DENND3: variants seen among roughly 807,000 people sequenced by gnomAD.
The protein encoded by DENND3 is DENN domain-containing protein 3.
DENND3 carries 88 observed loss-of-function variants against 135.1 expected under a neutral mutation model. That is an observed-to-expected ratio of 0.65 (90% CI 0.55 to 0.78). The LOEUF (loss-of-function observed/expected upper bound fraction) is 0.78. Ranked by LOEUF, DENND3 falls within the 30% of genes least tolerant of loss-of-function variation. DENND3 has a pLI of 0.00. For missense variants in DENND3, 1,392 were observed against 1,688.4 expected (o/e 0.82, Z 3.08); for synonymous variants, 693 against 712.3 (o/e 0.97, Z 0.43).
chr8:141,156,428 A>G (rs893066680), intron 8 of DENND3, among the ~76,000 whole-genome samples: 3 of 152,120 alleles, frequency 2.0e-5, no homozygotes, highest in Admixed American at 6.5e-5. Flanking sequence ...TCTTTATTCC[A>G]ATCTTGTCTG....
intron 5 of DENND3, among the ~76,000 whole-genome samples, chr8:141,148,522 A>T (rs781044098): frequency 6.6e-5 from 10 of 151,960 alleles, no homozygotes; most frequent in Non-Finnish European, 1.5e-4. Flanking sequence ...TATCTGAGTC[A>T]TTTTCTATGT....
rs1323780842 is a variant in DENND3, at chr8:141,176,721, AGGAGATGT to A, written c.2669_2676del (p.Glu890GlyfsTer8). The A allele has an allele frequency of 3.1e-6, 5 of 1,614,060 alleles. No homozygotes were observed. Among genetic ancestry groups the A allele is most frequent in the Non-Finnish European group, 4.2e-6 (5 of 1,180,016 alleles). The stretch of plus-strand genomic sequence containing the variant: ...TGTGACCTTTGGCACCTGATGGTGA[AGGAGATGT>A]GGGCTGGGAAGAAGCTGGCCGATGA... On this transcript the variant is annotated frameshift_variant, in exon 15 of 23. Transcript: ENST00000519811. LOFTEE classifies it high-confidence loss of function.
chr8:141,177,105 G>T, intron 15 of DENND3: 1 of 251,354 alleles, frequency 4.0e-6, no homozygotes, highest in Non-Finnish European at 7.7e-6. Flanking sequence ...GCAGGCCGGA[G>T]TTGGGTGTTT....
At chr8:141,186,813 G>A (rs889161112) in intron 18 of DENND3, among the ~76,000 whole-genome samples, 3 of 152,106 alleles carry the variant, frequency 2.0e-5, no homozygotes, top group African/African-American at 7.2e-5. Context: ...GGCCCCCAGC[G>A]GCCCCTCCTG....
rs867167223 is a variant in DENND3 at position 141,144,473 on chromosome 8, A to G, written c.735+214A>G. Among the ~76,000 whole-genome samples, 3 of 152,094 alleles carry G rather than the reference A, an allele frequency of 2.0e-5. No individual in the cohort carries two copies. Among genetic ancestry groups the G allele is most frequent in the Admixed American group, 6.5e-5 (1 of 15,272 alleles). On this transcript the variant is annotated intron_variant, in intron 5 of 22. Coordinates refer to ENST00000519811, the MANE Select transcript of DENND3 (RefSeq NM_001352890.3). The surrounding 1 kb of genome is among the most constrained non-coding windows in gnomAD (Gnocchi z 4.4). ...AACCCAAAAAACAGAATGACTGGCCAGAATGGAAGGGAGGTCAGACACGCC... is the reference window on the plus strand; with the variant it reads ...AACCCAAAAAACAGAATGACTGGCCGGAATGGAAGGGAGGTCAGACACGCC...
In DENND3 at chr8:141,165,281, G is replaced by A; in HGVS notation, c.1545G>A (p.Glu515=). The change falls in exon 11 of 23, where the codon GAG becomes GAA. Residue 515 remains glutamate (E), a synonymous_variant. Transcript: ENST00000519811. ...FAQMDLDTQS[E]EDRINGMLLS... ...AGATGGACCTCGACACCCAGTCGGA[G>A]GAGGACAGGTGCTTCACTGTTGTGT... 6.2e-7 allele frequency: 1 copy of A among 1,613,896 alleles called. No homozygotes were observed. The highest frequency in any genetic ancestry group is 8.5e-7 in the Non-Finnish European group (1 of 1,179,726).
At position 141,175,518 on chromosome 8, in the gene DENND3, T is replaced by TGGAGTG; in HGVS notation, c.2535+62_2535+67dup. On this transcript the variant is annotated intron_variant, in intron 14 of 22. Coordinates refer to ENST00000519811, the MANE Select transcript of DENND3 (RefSeq NM_001352890.3). The surrounding 1 kb of genome is among the most constrained non-coding windows in gnomAD (Gnocchi z 5.4). ...CACCTGTGTTTAGGAGACAGATGGC[T>TGGAGTG]GGAGTGGGCCCTGAGCAGTCTGCCA... 1.2e-6 allele frequency: 2 copies of TGGAGTG among 1,611,948 alleles called. No homozygotes were observed. Among genetic ancestry groups the TGGAGTG allele is most frequent in the Non-Finnish European group, 1.7e-6 (2 of 1,179,762 alleles).
At position 141,152,613 on chromosome 8, in the gene DENND3, C is replaced by T. The variant is rs1187283739; in HGVS notation, c.1074+776C>T. Among the ~76,000 whole-genome samples, 3 of 152,194 alleles carry T rather than the reference C, an allele frequency of 2.0e-5. 1 individual carries two copies. Among genetic ancestry groups the T allele is most frequent in the South Asian group, 4.1e-4 (2 of 4,832 alleles). On this transcript the variant is annotated intron_variant, in intron 7 of 22. Transcript: ENST00000519811. The stretch of plus-strand genomic sequence containing the variant: ...TTGTATAAATAGACCGAGTTTTGTC[C>T]ATCCACTCACAATGAGGTCGTCGTG...
At chr8:141,169,343 C>A (rs1042928436) in intron 13 of DENND3, among the ~76,000 whole-genome samples, 1 of 152,250 alleles carries the variant, frequency 6.6e-6, no homozygotes, top group Non-Finnish European at 1.5e-5. Flanking sequence ...TCTTACACAG[C>A]CTGTCTCCAG....
chr8:141,153,198 A>G (rs1207066985), intron 7 of DENND3, among the ~76,000 whole-genome samples: 1 of 146,782 alleles, frequency 6.8e-6, no homozygotes, highest in Non-Finnish European at 1.5e-5. Context: ...GGTTCAAGCG[A>G]TTCTCCTGTC....
intron 20 of DENND3, chr8:141,191,563 T>G (rs1824756843): frequency 1.3e-5 from 2 of 152,172 alleles, no homozygotes; most frequent in African/African-American, 2.4e-5. Context: ...CCCAAACTGG[T>G]TCTCACCTGT....
chr8:141,171,446 C>T (rs980615958), intron 13 of DENND3, among the ~76,000 whole-genome samples: 1 of 152,202 alleles, frequency 6.6e-6, no homozygotes, highest in South Asian at 2.1e-4. Context: ...CGTGCAGAAG[C>T]AAGACGTCCA....
chr8:141,172,135 ATGCACAGTGGGTG>A lies in DENND3; in HGVS notation c.2276-3060_2276-3048del, dbSNP rs377238019. On this transcript the variant is annotated intron_variant, in intron 13 of 22. Coordinates refer to ENST00000519811, the MANE Select transcript of DENND3 (RefSeq NM_001352890.3). ...GTGGTGGGCGTGCACGGTGGTGGGC[ATGCACAGTGGGTG>A]TGCATAGTGACTGTGGGCGTGCACA... Among the ~76,000 whole-genome samples the A allele has an allele frequency of 1.3e-3, 189 of 140,244 alleles. 1 individual carries two copies. Among genetic ancestry groups the A allele is most frequent in the African/African-American group, 3.9e-3 (142 of 36,776 alleles). 92.0% of individuals were successfully genotyped at this position (140,244 alleles called of 152,430 possible). A position where few individuals can be genotyped will look rare whatever the true frequency, so the allele number is the denominator to read the frequency against.
chr8:141,189,291 T>G (rs917936412), intron 19 of DENND3, 145 bp downstream of exon 19: 3 of 1,151,762 alleles, frequency 2.6e-6, no homozygotes, highest in Non-Finnish European at 2.5e-6. Context: ...GAAAGCTGGG[T>G]GGTGTCCTCG....
At chr8:141,192,729 A>T in intron 22 of DENND3, 66 bp downstream of exon 22, 1 of 1,608,772 alleles carries the variant, frequency 6.2e-7, no homozygotes, top group Non-Finnish European at 8.5e-7. Flanking sequence ...CCGCATCCCC[A>T]TGCTCCCGAG....
At chr8:141,147,298 G>A (rs1419267875) in intron 5 of DENND3, among the ~76,000 whole-genome samples, 1 of 152,182 alleles carries the variant, frequency 6.6e-6, no homozygotes, top group African/African-American at 2.4e-5. Context: ...TCTGCACAGT[G>A]GCTGCAGAGA....
In DENND3 at chr8:141,151,943, G is replaced by A. The variant is rs1245096511; in HGVS notation, c.1074+106G>A. 5.8e-6 allele frequency: 8 copies of A among 1,367,714 alleles called. No individual in the cohort carries two copies. The East Asian group carries it at 1.4e-4, about 24-fold the overall frequency. The allele number at this position is 1,367,714 out of a possible 1,614,324, so 84.7% of individuals were successfully genotyped here. Reference sequence around the variant, plus strand: ...GTGCTCCGCGGTGAAGGCGGGGTCTGTGTGCCGCAGAGAGGTCACGGGTAC... The same window carrying A: ...GTGCTCCGCGGTGAAGGCGGGGTCTATGTGCCGCAGAGAGGTCACGGGTAC... On this transcript the variant is annotated intron_variant, in intron 7 of 22. Coordinates refer to ENST00000519811, the MANE Select transcript of DENND3 (RefSeq NM_001352890.3).
intron 1 of DENND3, chr8:141,129,789 A>G (rs989575893): frequency 3.9e-5 from 6 of 152,288 alleles, no homozygotes; most frequent in African/African-American, 1.4e-4. Flanking sequence ...GGGTGTCACC[A>G]GGAAAGGCAG....
At chr8:141,147,160 G>T (rs1409542164) in intron 5 of DENND3, among the ~76,000 whole-genome samples, 1 of 152,146 alleles carries the variant, frequency 6.6e-6, no homozygotes, top group Non-Finnish European at 1.5e-5. Flanking sequence ...ACTACCTTCA[G>T]TGTTCCTTTC....
Sources: allele counts gnomAD v4.1 joint callset (sites outside exome capture counted in the v4.1 genomes callset), GRCh38; gene constraint gnomAD v4.1.1; non-coding constraint Gnocchi (gnomAD v3.1); transcripts MANE v1.5; gene names NCBI Gene and HGNC (gene_info 2026-07-23, HGNC 2026-07-21).